PRELID2: variants seen among roughly 807,000 people sequenced by gnomAD.
PRELID2 encodes PRELI domain containing 2.
In PRELID2, 25 loss-of-function variants were observed where a neutral mutation model predicts 28.4. The observed-to-expected ratio is 0.88, with a 90% CI of 0.64 to 1.23. The LOEUF (loss-of-function observed/expected upper bound fraction) is 1.23, where lower values mean the gene tolerates loss of function less well. Among genes scored for constraint, PRELID2 ranks in the 50% most tolerant of loss-of-function variants. PRELID2 has a pLI of 0.00. For missense variants in PRELID2, 201 were observed against 214.4 expected (o/e 0.94, Z 0.39); for synonymous variants, 76 against 71.6 (o/e 1.06, Z -0.31).
chr5:145,273,298 A>G, the PRELID2 span, among the ~76,000 whole-genome samples: 1 of 152,108 alleles, frequency 6.6e-6, no homozygotes, highest in African/African-American at 2.4e-5. Context: ...CTCTGGCTGG[A>G]CTGGGAGCAA....
At chr5:145,548,760 T>C (rs1752808022) in intron 1 of PRELID2, among the ~76,000 whole-genome samples, 1 of 152,106 alleles carries the variant, frequency 6.6e-6, no homozygotes, top group Non-Finnish European at 1.5e-5. Flanking sequence ...TAATCCATAC[T>C]CTCTCCTCAG....
At chr5:145,291,718 G>C in the PRELID2 span, among the ~76,000 whole-genome samples, 6 of 152,010 alleles carry the variant, frequency 3.9e-5, no homozygotes, top group Non-Finnish European at 8.8e-5. Context: ...AGGTTACTTA[G>C]ATTTTCTCCT....
At chr5:145,552,676 C>CT (rs1201193195) in intron 1 of PRELID2, among the ~76,000 whole-genome samples, 3 of 152,106 alleles carry the variant, frequency 2.0e-5, no homozygotes, top group African/African-American at 7.2e-5. Context: ...TGCCACCGTT[C>CT]TTTTTTTAAA....
chr5:145,763,870 G>T (rs1160115499), intron 6 of PRELID2, among the ~76,000 whole-genome samples: 1 of 152,180 alleles, frequency 6.6e-6, no homozygotes, highest in Non-Finnish European at 1.5e-5. Context: ...GAAGTCAGGA[G>T]TTCAAGACCA....
At chr5:145,740,989 T>C (rs1319368271) in intron 1 of PRELID2, among the ~76,000 whole-genome samples, 1 of 114,934 alleles carries the variant, frequency 8.7e-6, no homozygotes, top group Non-Finnish European at 1.6e-5. Flanking sequence ...TGTGTATAAA[T>C]AAAATATATA....
At chr5:145,699,061 T>G (rs1755348123) in intron 1 of PRELID2, among the ~76,000 whole-genome samples, 1 of 152,064 alleles carries the variant, frequency 6.6e-6, no homozygotes, top group African/African-American at 2.4e-5. Context: ...CACCTTGGGG[T>G]TTAGCAATTC....
intron 1 of PRELID2, among the ~76,000 whole-genome samples, chr5:145,827,358 T>A (rs753654825): frequency 9.2e-5 from 14 of 152,154 alleles, no homozygotes; most frequent in Non-Finnish European, 1.2e-4. Context: ...AAAATTTCAA[T>A]GATCAAGGAC....
chr5:145,437,831 G>C, the PRELID2 span, among the ~76,000 whole-genome samples: 17 of 152,052 alleles, frequency 1.1e-4, no homozygotes, highest in African/African-American at 3.9e-4. Flanking sequence ...AAAGAAATAT[G>C]GTCTGGCATT....
At chr5:145,694,455 AAT>A (rs1398380631) in intron 1 of PRELID2, among the ~76,000 whole-genome samples, 5 of 152,154 alleles carry the variant, frequency 3.3e-5, no homozygotes, top group East Asian at 1.9e-4. Flanking sequence ...TTGCTTTTAA[AAT>A]ATGTTATTAA....
chr5:145,565,494 C>T (rs556491067), intron 1 of PRELID2, among the ~76,000 whole-genome samples: 1 of 152,354 alleles, frequency 6.6e-6, no homozygotes, highest in Admixed American at 6.5e-5. Context: ...TATTTAACCT[C>T]ACATGGATTG....
At chr5:145,669,998 T>C (rs1754674362) in intron 1 of PRELID2, among the ~76,000 whole-genome samples, 1 of 152,142 alleles carries the variant, frequency 6.6e-6, no homozygotes, top group Admixed American at 6.6e-5. Context: ...TCATTTTCTA[T>C]TTATTTGAGA....
the PRELID2 span, among the ~76,000 whole-genome samples, chr5:145,388,269 T>G: frequency 6.6e-6 from 1 of 152,196 alleles, no homozygotes; most frequent in Non-Finnish European, 1.5e-5. Context: ...ATTAGCATTT[T>G]AAGTATTTTT....
At chr5:145,828,078 T>G (rs975056109) in intron 1 of PRELID2, among the ~76,000 whole-genome samples, 1 of 152,204 alleles carries the variant, frequency 6.6e-6, no homozygotes, top group Admixed American at 6.5e-5. Context: ...AAAACAAAAT[T>G]AAAGACACGA....
intron 1 of PRELID2, among the ~76,000 whole-genome samples, chr5:145,742,154 A>C (rs1403559063): frequency 3.5e-4 from 2 of 5,680 alleles, no homozygotes; most frequent in Non-Finnish European, 1.7e-3. Context: ...TTATTTATTT[A>C]TTATAAATTT....
At chr5:145,574,997 G>C (rs1162776285) in intron 1 of PRELID2, among the ~76,000 whole-genome samples, 1 of 152,144 alleles carries the variant, frequency 6.6e-6, no homozygotes, top group Non-Finnish European at 1.5e-5. Flanking sequence ...TGGACACAAA[G>C]GATTGACTAT....
intron 1 of PRELID2, among the ~76,000 whole-genome samples, chr5:145,487,421 T>G (rs935790722): frequency 6.6e-6 from 1 of 152,158 alleles, no homozygotes; most frequent in South Asian, 2.1e-4. Context: ...GTAGATGTCA[T>G]AGATTTCTGT....
the PRELID2 span, chr5:145,338,356 G>A: frequency 6.6e-6 from 1 of 152,036 alleles, no homozygotes; most frequent in African/African-American, 2.4e-5. Context: ...GTTAATTGTA[G>A]AGCCATTATA....
At chr5:145,403,910 A>G in the PRELID2 span, among the ~76,000 whole-genome samples, 1 of 152,218 alleles carries the variant, frequency 6.6e-6, no homozygotes, top group East Asian at 1.9e-4. Flanking sequence ...GTTAGCTCGC[A>G]GGAAAGTTAA....
At chr5:145,622,180 T>C (rs1262375078) in intron 1 of PRELID2, among the ~76,000 whole-genome samples, 2 of 152,126 alleles carry the variant, frequency 1.3e-5, no homozygotes, top group East Asian at 3.8e-4. Flanking sequence ...TGAGGAAATC[T>C]GGGGAATAAC....
Sources: allele counts gnomAD v4.1 joint callset (sites outside exome capture counted in the v4.1 genomes callset), GRCh38; gene constraint gnomAD v4.1.1; transcripts MANE v1.5; gene names NCBI Gene and HGNC (gene_info 2026-07-23, HGNC 2026-07-21).